SUPT3H: variants seen among roughly 807,000 people sequenced by gnomAD.
The protein encoded by SUPT3H is SPT3 homolog, SAGA and STAGA complex component, also known as transcription initiation protein SPT3 homolog.
A neutral mutation model predicts 44.3 loss-of-function variants in SUPT3H; 44 were observed. The observed-to-expected ratio is 0.99, with a 90% CI of 0.78 to 1.28. The LOEUF (loss-of-function observed/expected upper bound fraction) is 1.28, where lower values mean the gene tolerates loss of function less well. SUPT3H is among the 50% of genes most tolerant of loss of function. The pLI is 0.00. For missense variants in SUPT3H, 380 were observed against 387.1 expected (o/e 0.98, Z 0.15); for synonymous variants, 124 against 125.6 (o/e 0.99, Z 0.09).
At position 44,863,134 on chromosome 6, in the gene SUPT3H, T is replaced by C. The variant is rs145045439; in HGVS notation, c.913-33277A>G. 7.5e-3 allele frequency among the ~76,000 whole-genome samples: 1,143 copies of C among 152,318 alleles called. 11 individuals carry two copies. Among genetic ancestry groups the C allele is most frequent in the Non-Finnish European group, 0.011 (759 of 68,030 alleles). ...CAAAGTTCACCAAAGAAAGGGCTAG[T>C]ATATTTGCAGAATGTATGTATATCT... On this transcript the variant is annotated intron_variant, in intron 10 of 10. Transcript: ENST00000371459.
chr6:45,013,476 T>A (rs575282057), intron 5 of SUPT3H, among the ~76,000 whole-genome samples: 1 of 152,202 alleles, frequency 6.6e-6, no homozygotes, highest in South Asian at 2.1e-4. Context: ...GGACCTGCAA[T>A]TAACTTCTCC....
intron 6 of SUPT3H, among the ~76,000 whole-genome samples, chr6:44,991,834 A>G (rs1035030251): frequency 1.4e-4 from 22 of 152,288 alleles, no homozygotes; most frequent in African/African-American, 5.3e-4. Context: ...CACTAAATAA[A>G]CTGAAACATT....
chr6:45,290,066 G>A (rs1344351215), intron 2 of SUPT3H, among the ~76,000 whole-genome samples: 1 of 152,046 alleles, frequency 6.6e-6, no homozygotes, highest in Admixed American at 6.6e-5. Flanking sequence ...TGTAGTCCCA[G>A]CTACTGACAA....
intron 10 of SUPT3H, among the ~76,000 whole-genome samples, chr6:44,910,830 C>G (rs1005903832): frequency 6.6e-6 from 1 of 151,016 alleles, no homozygotes; most frequent in Non-Finnish European, 1.5e-5. Context: ...CCCATCTTCA[C>G]TAAAAAATAC....
chr6:44,825,816 C>A (rs971521924), downstream of SUPT3H, among the ~76,000 whole-genome samples: 9 of 151,712 alleles, frequency 5.9e-5, no homozygotes, highest in East Asian at 1.9e-4. Flanking sequence ...CTATCTTTAC[C>A]CTCCTTTGAA....
At chr6:45,169,872 A>G (rs1810496641) in intron 2 of SUPT3H, among the ~76,000 whole-genome samples, 1 of 152,208 alleles carries the variant, frequency 6.6e-6, no homozygotes, top group African/African-American at 2.4e-5. Context: ...ACTGCTTGCA[A>G]TGTCATTTTT....
chr6:45,114,253 C>A (rs909000973), intron 2 of SUPT3H, among the ~76,000 whole-genome samples: 1 of 151,916 alleles, frequency 6.6e-6, no homozygotes, highest in African/African-American at 2.4e-5. Flanking sequence ...TTCCTTGGAA[C>A]ATATCAGTGA....
chr6:45,282,137 A>G (rs1778235706), intron 2 of SUPT3H, among the ~76,000 whole-genome samples: 2 of 152,314 alleles, frequency 1.3e-5, no homozygotes, highest in African/African-American at 4.8e-5. Context: ...AAAAATGGGG[A>G]AAAAACAGAG....
At chr6:45,296,379 A>G (rs1014701465) in intron 2 of SUPT3H, among the ~76,000 whole-genome samples, 9 of 152,120 alleles carry the variant, frequency 5.9e-5, no homozygotes, top group Non-Finnish European at 1.0e-4. Context: ...ATGCAAAGGC[A>G]TAAGAATGAC....
chr6:45,246,249 T>C (rs1475235817), intron 2 of SUPT3H, among the ~76,000 whole-genome samples: 2 of 152,166 alleles, frequency 1.3e-5, no homozygotes, highest in African/African-American at 4.8e-5. Flanking sequence ...ACAGCGTCCT[T>C]TGATGCACAA....
chr6:45,319,461 T>C (rs187390801), intron 2 of SUPT3H, among the ~76,000 whole-genome samples: 2 of 152,270 alleles, frequency 1.3e-5, no homozygotes, highest in Non-Finnish European at 2.9e-5. Flanking sequence ...ACACAATAAT[T>C]TGAACTGTAA....
intron 10 of SUPT3H, among the ~76,000 whole-genome samples, chr6:44,894,948 C>T (rs927361634): frequency 5.3e-5 from 8 of 151,690 alleles, no homozygotes; most frequent in African/African-American, 1.9e-4. Flanking sequence ...TTTCACTTTT[C>T]CACTAGGTAA....
intron 2 of SUPT3H, among the ~76,000 whole-genome samples, chr6:45,293,329 G>A (rs1039359666): frequency 6.6e-6 from 1 of 152,110 alleles, no homozygotes. Context: ...CTGGGACACA[G>A]CAAAGGCAGT....
At chr6:45,122,157 T>TGTGACC (rs1801773044) in intron 2 of SUPT3H, among the ~76,000 whole-genome samples, 1 of 152,226 alleles carries the variant, frequency 6.6e-6, no homozygotes, top group Non-Finnish European at 1.5e-5. Flanking sequence ...GGTGTCACCT[T>TGTGACC]TATTACGCTG....
intron 3 of SUPT3H, chr6:45,097,767 T>C (rs1005098705): frequency 1.3e-5 from 2 of 152,208 alleles, no homozygotes; most frequent in South Asian, 2.1e-4. Context: ...CAAAAAGACA[T>C]ACAGGTTTTT....
chr6:44,902,331 C>T (rs1765212237), intron 10 of SUPT3H, among the ~76,000 whole-genome samples: 1 of 152,054 alleles, frequency 6.6e-6, no homozygotes, highest in Non-Finnish European at 1.5e-5. Flanking sequence ...GGAAGAAGAT[C>T]TACCAAGCAA....
At chr6:45,205,642 C>G (rs867831663) in intron 2 of SUPT3H, among the ~76,000 whole-genome samples, 1 of 151,910 alleles carries the variant, frequency 6.6e-6, no homozygotes, top group South Asian at 2.1e-4. Context: ...ACTAAAAATA[C>G]AAAAATGACC....
At chr6:45,059,942 C>T (rs1012746638) in intron 3 of SUPT3H, among the ~76,000 whole-genome samples, 17 of 151,860 alleles carry the variant, frequency 1.1e-4, no homozygotes, top group African/African-American at 3.9e-4. Context: ...AAGGAAATTA[C>T]AGAGGACATA....
At chr6:44,942,521 A>C (rs1006823332) in intron 9 of SUPT3H, among the ~76,000 whole-genome samples, 1 of 152,206 alleles carries the variant, frequency 6.6e-6, no homozygotes, top group Non-Finnish European at 1.5e-5. Context: ...TAGGTGCGGA[A>C]TGAGAAAGGA....
Sources: allele counts gnomAD v4.1 joint callset (sites outside exome capture counted in the v4.1 genomes callset), GRCh38; gene constraint gnomAD v4.1.1; transcripts MANE v1.5; gene names NCBI Gene and HGNC (gene_info 2026-07-23, HGNC 2026-07-21).